CCSER1: variants seen among roughly 807,000 people sequenced by gnomAD.
CCSER1 encodes coiled-coil serine rich protein 1.
A neutral mutation model predicts 82.0 loss-of-function variants in CCSER1; 41 were observed. The ratio of observed to expected loss-of-function variants is 0.50; its 90% CI spans 0.39 to 0.65. The LOEUF is 0.65. CCSER1 is among the 30% of genes least tolerant of loss of function. CCSER1 has a pLI of 0.00. For missense variants in CCSER1, 1,119 were observed against 1,064.2 expected (o/e 1.05, Z -0.72); for synonymous variants, 414 against 383.9 (o/e 1.08, Z -0.92).
intron 5 of CCSER1, among the ~76,000 whole-genome samples, chr4:90,481,852 C>A (rs762110704): frequency 4.6e-5 from 7 of 152,050 alleles, no homozygotes; most frequent in Non-Finnish European, 7.4e-5. Context: ...TGCATCTCTG[C>A]CAGGCTTTGG....
At chr4:90,867,093 G>A (rs1765832903) in intron 8 of CCSER1, among the ~76,000 whole-genome samples, 1 of 151,968 alleles carries the variant, frequency 6.6e-6, no homozygotes, top group Non-Finnish European at 1.5e-5. Flanking sequence ...ATTCGCACTT[G>A]CCCTCCCCAG....
At chr4:91,200,121 G>C (rs1167465859) in intron 10 of CCSER1, among the ~76,000 whole-genome samples, 1 of 151,742 alleles carries the variant, frequency 6.6e-6, no homozygotes, top group Non-Finnish European at 1.5e-5. Flanking sequence ...AAAATGTTTT[G>C]ACAAATATAT....
chr4:91,383,981 C>T (rs1751106135), intron 10 of CCSER1, among the ~76,000 whole-genome samples: 1 of 152,086 alleles, frequency 6.6e-6, no homozygotes, highest in Non-Finnish European at 1.5e-5. Flanking sequence ...TGCTGAAGGG[C>T]TGTGAGCAAA....
chr4:90,576,071 T>A (rs1188704785), intron 5 of CCSER1, among the ~76,000 whole-genome samples: 1 of 152,202 alleles, frequency 6.6e-6, no homozygotes, highest in African/African-American at 2.4e-5. Flanking sequence ...TCTTTGTTTC[T>A]AGTTCTTGGG....
chr4:91,208,508 G>C (rs773306908), intron 10 of CCSER1, among the ~76,000 whole-genome samples: 1 of 151,738 alleles, frequency 6.6e-6, no homozygotes, highest in Non-Finnish European at 1.5e-5. Context: ...GCTTGCTTTT[G>C]CTAGTTTTGT....
At chr4:90,820,039 C>T (rs1332705515) in intron 8 of CCSER1, among the ~76,000 whole-genome samples, 2 of 152,148 alleles carry the variant, frequency 1.3e-5, no homozygotes, top group Non-Finnish European at 1.5e-5. Context: ...TATAATAGAA[C>T]AAAATCTCCT....
In CCSER1 at chr4:91,598,915, G is replaced by A. The variant is rs370398819; in HGVS notation, c.2561G>A (p.Arg854Gln). The change falls in exon 11 of 11, where the codon CGA (arginine) becomes CAA (glutamine). Residue 854 changes from arginine to glutamine, a missense_variant. Transcript: ENST00000509176. ...CCAAAGGACCAAGTTGCTACGGCCC[G>A]ACAGCATTCGACCTTTACAGGCAGG... ...EKPKDQVATA[R>Q]QHSTFTGRFG... The A allele has an allele frequency of 5.8e-6, 9 of 1,551,418 alleles. No homozygotes were observed. The highest frequency in any genetic ancestry group is 7.8e-6 in the Non-Finnish European group (9 of 1,146,914).
intron 4 of CCSER1, among the ~76,000 whole-genome samples, chr4:90,424,579 A>G (rs1016655665): frequency 3.9e-5 from 6 of 152,150 alleles, no homozygotes; most frequent in Admixed American, 1.3e-4. Flanking sequence ...CACTATTCTC[A>G]CATATAAGAT....
intron 1 of CCSER1, among the ~76,000 whole-genome samples, chr4:90,156,173 T>C (rs1308053939): frequency 6.6e-6 from 1 of 152,226 alleles, no homozygotes; most frequent in Admixed American, 6.5e-5. Flanking sequence ...TTCCATGTAA[T>C]TGAGCAGTTT....
intron 4 of CCSER1, among the ~76,000 whole-genome samples, chr4:90,412,594 G>T (rs1755058944): frequency 6.7e-6 from 1 of 149,790 alleles, no homozygotes; most frequent in African/African-American, 2.4e-5. Context: ...ATGCAGGGAT[G>T]GTTTAACAGA....
At chr4:91,317,203 G>A (rs985028135) in intron 10 of CCSER1, among the ~76,000 whole-genome samples, 4 of 151,550 alleles carry the variant, frequency 2.6e-5, no homozygotes, top group African/African-American at 9.7e-5. Context: ...AAAAGATAAA[G>A]AATGTGTAAC....
chr4:91,177,289 C>T (rs1456351332), intron 10 of CCSER1, among the ~76,000 whole-genome samples: 5 of 152,024 alleles, frequency 3.3e-5, no homozygotes, highest in South Asian at 2.1e-4. Flanking sequence ...TCTTTTTCTG[C>T]TGTGTCTCTG....
chr4:90,509,354 A>G (rs1771154161), intron 5 of CCSER1, among the ~76,000 whole-genome samples: 1 of 152,102 alleles, frequency 6.6e-6, no homozygotes, highest in South Asian at 2.1e-4. Context: ...GAAGTGTAAT[A>G]AAAAACAAAG....
chr4:91,085,982 A>G lies in CCSER1; in HGVS notation c.2205A>G (p.Gln735=). ...GLNLKRLETV[Q]GGREATYRNR... is the part of the protein sequence containing the mutation. ...ACTTGAAAAGACTAGAGACAGTACA[A>G]GGAGGGAGAGAGGTAAGAATGTTTA... The change falls in exon 10 of 11, where the codon CAA becomes CAG. Residue 735 remains glutamine (Q), a synonymous_variant. Coordinates refer to ENST00000509176, the MANE Select transcript of CCSER1 (RefSeq NM_001145065.2). 1 of 1,525,340 alleles carries G rather than the reference A, an allele frequency of 6.6e-7. No individual in the cohort carries two copies. Among genetic ancestry groups the G allele is most frequent in the Non-Finnish European group, 8.9e-7 (1 of 1,123,472 alleles). 94.5% of individuals were successfully genotyped at this position (1,525,340 alleles called of 1,614,324 possible).
At chr4:90,505,665 G>C (rs1203152994) in intron 5 of CCSER1, among the ~76,000 whole-genome samples, 2 of 152,178 alleles carry the variant, frequency 1.3e-5, no homozygotes, top group African/African-American at 4.8e-5. Context: ...CTTTCTTTCA[G>C]ACCATACAGA....
intron 5 of CCSER1, among the ~76,000 whole-genome samples, chr4:90,511,969 CA>C (rs1447824927): frequency 2.0e-5 from 3 of 151,948 alleles, no homozygotes; most frequent in Non-Finnish European, 4.4e-5. Context: ...AAACAGAAAG[CA>C]AGGTCATCAG....
chr4:90,970,459 A>G (rs1038446434), intron 9 of CCSER1, among the ~76,000 whole-genome samples: 1 of 152,052 alleles, frequency 6.6e-6, no homozygotes, highest in African/African-American at 2.4e-5. Flanking sequence ...TATAAAGCAA[A>G]CATTAACAAA....
In CCSER1 at chr4:90,798,364, G is replaced by C. The variant is rs745980280; in HGVS notation, c.2011-17398G>C. On this transcript the variant is annotated intron_variant, in intron 7 of 10. Coordinates refer to ENST00000509176, the MANE Select transcript of CCSER1 (RefSeq NM_001145065.2). ...ATTTTCTATATTGGCTATTTTGTCT[G>C]TCAGCACCTGCATTATTTATCAGGA... Among the ~76,000 whole-genome samples the C allele has an allele frequency of 3.0e-4, 45 of 152,018 alleles. 1 individual carries two copies. Among genetic ancestry groups the C allele is most frequent in the Non-Finnish European group, 2.1e-4 (14 of 68,022 alleles).
At chr4:90,273,214 G>A (rs1190882833) in intron 1 of CCSER1, among the ~76,000 whole-genome samples, 1 of 152,114 alleles carries the variant, frequency 6.6e-6, no homozygotes, top group African/African-American at 2.4e-5. Context: ...CAGAGGCTGG[G>A]GAGGGTAGTA....
Sources: gnomAD v4.1 joint callset for allele counts (sites outside exome capture counted in the v4.1 genomes callset) on GRCh38, gnomAD v4.1.1 for gene constraint, MANE v1.5 for transcripts, NCBI Gene and HGNC (gene_info 2026-07-23, HGNC 2026-07-21) for gene names.